PARP8: variants seen among roughly 807,000 people sequenced by gnomAD.
PARP8 encodes the protein protein mono-ADP-ribosyltransferase PARP8.
Under a neutral mutation model 124.1 loss-of-function variants are expected in PARP8, and 51 were observed. The ratio of observed to expected loss-of-function variants is 0.41; its 90% CI spans 0.33 to 0.52. PARP8 has a LOEUF of 0.52. Ranked by LOEUF, PARP8 falls within the 20% of genes least tolerant of loss-of-function variation. The pLI, the probability that PARP8 is intolerant of heterozygous loss-of-function variation, is 0.21. For missense variants in PARP8, 860 were observed against 1,018.9 expected (o/e 0.84, Z 2.12); for synonymous variants, 391 against 361.5 (o/e 1.08, Z -0.93).
At chr5:50,738,880 T>TA in intron 2 of PARP8, 2 of 653,924 alleles carry the variant, frequency 3.1e-6, no homozygotes, top group Non-Finnish European at 2.8e-6. Flanking sequence ...GTTCATGTAA[T>TA]AAAAAATTTA....
chr5:50,767,692 C>G (rs141700635), intron 7 of PARP8, among the ~76,000 whole-genome samples: 1 of 152,192 alleles, frequency 6.6e-6, no homozygotes, highest in East Asian at 1.9e-4. Context: ...TTATAGCTAC[C>G]TTGGATGCAG....
At chr5:50,747,164 T>TTTTG in intron 2 of PARP8, among the ~76,000 whole-genome samples, 1 of 88,040 alleles carries the variant, frequency 1.1e-5, no homozygotes, top group Non-Finnish European at 2.3e-5. Context: ...GTTTGTTTTG[T>TTTTG]TTTTTTTTTT....
intron 2 of PARP8, among the ~76,000 whole-genome samples, chr5:50,735,964 C>CCT (rs1757435376): frequency 6.7e-6 from 1 of 150,234 alleles, no homozygotes; most frequent in Non-Finnish European, 1.5e-5. Flanking sequence ...ATTCCCCCCC[C>CCT]CCCTTTTATT....
chr5:50,789,307 A>T (rs1030431200), intron 10 of PARP8, among the ~76,000 whole-genome samples: 2 of 152,160 alleles, frequency 1.3e-5, no homozygotes, highest in Non-Finnish European at 2.9e-5. Flanking sequence ...AAGAAAAAAA[A>T]TGCATCTTAG....
intron 3 of PARP8, among the ~76,000 whole-genome samples, chr5:50,758,284 T>C (rs1025031092): frequency 1.3e-5 from 2 of 152,142 alleles, no homozygotes; most frequent in Non-Finnish European, 2.9e-5. Flanking sequence ...TAAAGCAAAA[T>C]TTGTGATTGC....
intron 2 of PARP8, among the ~76,000 whole-genome samples, chr5:50,743,164 G>A (rs1403454593): frequency 6.6e-6 from 1 of 152,048 alleles, no homozygotes; most frequent in African/African-American, 2.4e-5. Flanking sequence ...ACGAGGCCAT[G>A]GAACTACGTG....
At chr5:50,812,364 T>A (rs1271834473) in intron 14 of PARP8, among the ~76,000 whole-genome samples, 1 of 152,236 alleles carries the variant, frequency 6.6e-6, no homozygotes, top group South Asian at 2.1e-4. Flanking sequence ...CATTTTTTCA[T>A]GTGTCTGTTG....
intron 2 of PARP8, among the ~76,000 whole-genome samples, chr5:50,699,944 T>C (rs1372448621): frequency 6.6e-6 from 1 of 152,158 alleles, no homozygotes; most frequent in African/African-American, 2.4e-5. Flanking sequence ...TGAGTAAAAG[T>C]TCCATTAACT....
chr5:50,757,861 A>G (rs1209693681), intron 3 of PARP8, among the ~76,000 whole-genome samples: 1 of 152,116 alleles, frequency 6.6e-6, no homozygotes, highest in Non-Finnish European at 1.5e-5. Context: ...GCATGATGCT[A>G]TCCACCTTAC....
chr5:50,726,142 T>C (rs1464470922), intron 2 of PARP8, among the ~76,000 whole-genome samples: 1 of 152,112 alleles, frequency 6.6e-6, no homozygotes, highest in Non-Finnish European at 1.5e-5. Flanking sequence ...TATTTTTTTA[T>C]TTTAGCTGTG....
intron 14 of PARP8, among the ~76,000 whole-genome samples, chr5:50,808,336 T>C (rs1290443589): frequency 6.6e-6 from 1 of 151,994 alleles, no homozygotes; most frequent in Non-Finnish European, 1.5e-5. Flanking sequence ...TTAGCCTCAG[T>C]AAATCTACAT....
At chr5:50,773,830 TAA>T (rs1561359697) in intron 7 of PARP8, among the ~76,000 whole-genome samples, 2 of 141,920 alleles carry the variant, frequency 1.4e-5, no homozygotes, top group African/African-American at 5.6e-5. Context: ...CTTATTTCAT[TAA>T]TTTTTTTTTT....
At chr5:50,803,800 G>A (rs941232986) in intron 14 of PARP8, among the ~76,000 whole-genome samples, 3 of 151,970 alleles carry the variant, frequency 2.0e-5, no homozygotes, top group Non-Finnish European at 4.4e-5. Flanking sequence ...CTTTCCTTGG[G>A]CCCCTTCCTA....
At chr5:50,822,248 G>T in intron 16 of PARP8, 87 bp from the exon 17 acceptor site, 1 of 945,620 alleles carries the variant, frequency 1.1e-6, no homozygotes, top group Non-Finnish European at 1.7e-6. Flanking sequence ...TTCACATATG[G>T]AAATAATATA....
At chr5:50,749,369 C>T (rs1424478148) in intron 2 of PARP8, among the ~76,000 whole-genome samples, 1 of 151,964 alleles carries the variant, frequency 6.6e-6, no homozygotes, top group Admixed American at 6.6e-5. Context: ...GTGTGTCATG[C>T]ACCAAAGTAA....
intron 7 of PARP8, among the ~76,000 whole-genome samples, chr5:50,777,448 A>G (rs1413294455): frequency 6.6e-6 from 1 of 152,136 alleles, no homozygotes; most frequent in Non-Finnish European, 1.5e-5. Context: ...ATATTCTTTC[A>G]TTCGCTTAAG....
intron 2 of PARP8, among the ~76,000 whole-genome samples, chr5:50,746,613 C>T (rs1758569724): frequency 6.6e-6 from 1 of 152,102 alleles, no homozygotes; most frequent in African/African-American, 2.4e-5. Context: ...ATTTATGTAT[C>T]ATATTCTCTG....
intron 3 of PARP8, among the ~76,000 whole-genome samples, chr5:50,755,995 T>G (rs1759902184): frequency 3.3e-5 from 5 of 152,148 alleles, no homozygotes; most frequent in Admixed American, 3.3e-4. Context: ...CTGTTATTGG[T>G]GTATAAGAAT....
intron 2 of PARP8, among the ~76,000 whole-genome samples, chr5:50,681,341 A>G (rs759568095): frequency 8.6e-5 from 13 of 152,016 alleles, no homozygotes; most frequent in Admixed American, 5.9e-4. Flanking sequence ...AAATTAGGTG[A>G]ATTCAGCTTT....
Sources: gnomAD v4.1 joint callset for allele counts (sites outside exome capture counted in the v4.1 genomes callset) on GRCh38, gnomAD v4.1.1 for gene constraint, MANE v1.5 for transcripts, NCBI Gene and HGNC (gene_info 2026-07-23, HGNC 2026-07-21) for gene names.